CNTN4: variants seen among roughly 807,000 people sequenced by gnomAD.
CNTN4 encodes contactin 4, also known as contactin-4.
A neutral mutation model predicts 122.5 loss-of-function variants in CNTN4; 77 were observed. The ratio of observed to expected loss-of-function variants is 0.63; its 90% CI spans 0.52 to 0.76. CNTN4 has a LOEUF of 0.76. Among genes scored for constraint, CNTN4 ranks in the 30% least tolerant of loss-of-function variants. The pLI, the probability that CNTN4 is intolerant of heterozygous loss-of-function variation, is 0.00. For missense variants in CNTN4, 1,256 were observed against 1,259.1 expected, an observed-to-expected ratio of 1.00 and a Z score of 0.04; for synonymous variants, 512 against 447.0, an observed-to-expected ratio of 1.15 and a Z score of -1.83.
intron 12 of CNTN4, among the ~76,000 whole-genome samples, chr3:2,905,136 A>G (rs1201375361): frequency 6.6e-6 from 1 of 152,188 alleles, no homozygotes; most frequent in Non-Finnish European, 1.5e-5. Context: ...CACTGTTCCA[A>G]CTTTTACATT....
intron 2 of CNTN4, among the ~76,000 whole-genome samples, chr3:2,151,192 C>T (rs761748303): frequency 6.6e-5 from 10 of 151,944 alleles, no homozygotes; most frequent in East Asian, 3.9e-4. Flanking sequence ...CCCAAAGTGC[C>T]GGGATTACAG....
chr3:2,407,741 A>C (rs1288029989), intron 3 of CNTN4, among the ~76,000 whole-genome samples: 1 of 152,188 alleles, frequency 6.6e-6, no homozygotes, highest in Non-Finnish European at 1.5e-5. Context: ...TCTGATGGAC[A>C]ACAAACAAAT....
chr3:2,840,498 A>T (rs1384571357), intron 7 of CNTN4, among the ~76,000 whole-genome samples: 5 of 140,160 alleles, frequency 3.6e-5, no homozygotes, highest in Admixed American at 3.0e-4. Flanking sequence ...CAGGAGATCG[A>T]GACCATCCTG....
At chr3:2,889,528 T>C (rs1181150336) in intron 10 of CNTN4, among the ~76,000 whole-genome samples, 6 of 152,188 alleles carry the variant, frequency 3.9e-5, no homozygotes, top group Non-Finnish European at 8.8e-5. Context: ...TGAGATGCTA[T>C]GGCTGTGTAT....
chr3:2,511,650 T>C (rs1490561312), intron 3 of CNTN4: 1 of 152,242 alleles, frequency 6.6e-6, no homozygotes, highest in Admixed American at 6.5e-5. Context: ...CTCTGTTTGA[T>C]TTGCTGTAAC....
intron 10 of CNTN4, among the ~76,000 whole-genome samples, chr3:2,895,861 C>G (rs370633323): frequency 1.3e-5 from 2 of 152,056 alleles, no homozygotes; most frequent in Non-Finnish European, 2.9e-5. Flanking sequence ...GGTGAAACCC[C>G]GTCTCTACTA....
rs1347387948 is a variant in CNTN4, at chr3:2,485,626, G to A, written c.-88-85790G>A. Among the ~76,000 whole-genome samples, 5 of 150,922 alleles carry A rather than the reference G, an allele frequency of 3.3e-5. No homozygotes were observed. In the East Asian group the frequency reaches 9.8e-4, roughly 29 times the overall value. ...ACTCTGTATCTAGGTAATCTGGGGG[G>A]GACTTGGAGAATCTTTGTCTAGCTA... On this transcript the variant is annotated intron_variant, in intron 3 of 24. Coordinates refer to ENST00000418658, the MANE Select transcript of CNTN4 (RefSeq NM_175607.3).
At chr3:2,356,378 A>C (rs182752143) in intron 3 of CNTN4, among the ~76,000 whole-genome samples, 1 of 152,200 alleles carries the variant, frequency 6.6e-6, no homozygotes, top group Admixed American at 6.5e-5. Flanking sequence ...GGGATGGGCA[A>C]TTCCTGGAAC....
At chr3:2,153,910 A>G (rs898470591) in intron 2 of CNTN4, among the ~76,000 whole-genome samples, 1 of 152,168 alleles carries the variant, frequency 6.6e-6, no homozygotes, top group Non-Finnish European at 1.5e-5. Context: ...AAGGAACTTA[A>G]AAAAGTGTTT....
At chr3:2,832,252 T>C (rs1330245309) in intron 7 of CNTN4, among the ~76,000 whole-genome samples, 2 of 152,134 alleles carry the variant, frequency 1.3e-5, no homozygotes. Context: ...AAAGTAAAAA[T>C]AGGAGATTTT....
chr3:2,833,691 G>A (rs2093153004), intron 7 of CNTN4, among the ~76,000 whole-genome samples: 1 of 152,162 alleles, frequency 6.6e-6, no homozygotes, highest in Non-Finnish European at 1.5e-5. Flanking sequence ...TATACATGGT[G>A]TTACACACAG....
At chr3:2,817,490 C>T (rs915898625) in intron 6 of CNTN4, among the ~76,000 whole-genome samples, 2 of 152,204 alleles carry the variant, frequency 1.3e-5, no homozygotes, top group African/African-American at 2.4e-5. Flanking sequence ...TAATGAGATA[C>T]ACTTCAAATG....
At chr3:3,025,677 GA>G (rs1325298092) in intron 14 of CNTN4, among the ~76,000 whole-genome samples, 4 of 151,974 alleles carry the variant, frequency 2.6e-5, no homozygotes, top group Non-Finnish European at 4.4e-5. Flanking sequence ...TTTTACAATA[GA>G]AAAAAAGAGC....
chr3:2,476,205 T>G (rs1225656749), intron 3 of CNTN4, among the ~76,000 whole-genome samples: 2 of 152,168 alleles, frequency 1.3e-5, no homozygotes, highest in East Asian at 3.8e-4. Flanking sequence ...TGGATGACAA[T>G]GAGTAGTTCA....
chr3:2,561,783 G>T (rs1023662226), intron 3 of CNTN4, among the ~76,000 whole-genome samples: 2 of 152,162 alleles, frequency 1.3e-5, no homozygotes, highest in Non-Finnish European at 2.9e-5. Context: ...TGATTCTAAA[G>T]CCAATGATCT....
At chr3:2,206,018 T>G (rs1245485086) in intron 2 of CNTN4, among the ~76,000 whole-genome samples, 1 of 152,138 alleles carries the variant, frequency 6.6e-6, no homozygotes, top group Non-Finnish European at 1.5e-5. Context: ...TCTGTTTCTT[T>G]GTAGGCAGTT....
chr3:2,761,654 A>G (rs2090597576), intron 6 of CNTN4, among the ~76,000 whole-genome samples: 1 of 152,118 alleles, frequency 6.6e-6, no homozygotes, highest in Non-Finnish European at 1.5e-5. Context: ...AATTGGATCC[A>G]TGTTTTTATA....
At chr3:2,671,895 G>A (rs992610013) in intron 4 of CNTN4, among the ~76,000 whole-genome samples, 57 of 152,124 alleles carry the variant, frequency 3.7e-4, no homozygotes, top group Admixed American at 5.2e-4. Context: ...TATCAGCAGC[G>A]GAGGCTGCAA....
chr3:2,435,816 A>G (rs1036099270), intron 3 of CNTN4, among the ~76,000 whole-genome samples: 1 of 152,208 alleles, frequency 6.6e-6, no homozygotes, highest in Non-Finnish European at 1.5e-5. Context: ...CAAATTCTAC[A>G]GAAATCATTT....
Sources: gnomAD v4.1 joint callset for allele counts (sites outside exome capture counted in the v4.1 genomes callset) on GRCh38, gnomAD v4.1.1 for gene constraint, MANE v1.5 for transcripts, NCBI Gene and HGNC (gene_info 2026-07-23, HGNC 2026-07-21) for gene names.